Variants in DGKB observed in about 807,000 individuals in gnomAD.
DGKB encodes the protein diacylglycerol kinase beta.
Under a neutral mutation model 114.3 loss-of-function variants are expected in DGKB, and 67 were observed. The observed-to-expected ratio is 0.59, with a 90% CI of 0.48 to 0.72. The LOEUF (loss-of-function observed/expected upper bound fraction) is 0.72. Among genes scored for constraint, DGKB ranks in the 30% least tolerant of loss-of-function variants. The pLI, the probability that DGKB is intolerant of heterozygous loss-of-function variation, is 0.00. For missense variants in DGKB, 907 were observed against 975.2 expected, an observed-to-expected ratio of 0.93 and a Z score of 0.93; for synonymous variants, 398 against 323.1, an observed-to-expected ratio of 1.23 and a Z score of -2.49.
chr7:14,211,009 T>C (rs1787686908), intron 23 of DGKB, among the ~76,000 whole-genome samples: 1 of 152,066 alleles, frequency 6.6e-6, no homozygotes, highest in Admixed American at 6.6e-5. Flanking sequence ...GTAGATGTTA[T>C]GTTCCCCTAC....
At chr7:14,460,872 C>A (rs6461101) in intron 21 of DGKB, among the ~76,000 whole-genome samples, 79,346 of 151,824 alleles carry the variant, frequency 0.52, 21,192 homozygotes, top group East Asian at 0.62. Context: ...TTCCTCAGCA[C>A]ATGCAAAAGA....
chr7:14,907,564 C>T (rs554472170), upstream of DGKB, among the ~76,000 whole-genome samples: 1 of 152,188 alleles, frequency 6.6e-6, no homozygotes, highest in African/African-American at 2.4e-5. Context: ...TGAACACACA[C>T]ACATGTGCAC....
chr7:14,858,817 T>C (rs1850553306), intron 1 of DGKB, among the ~76,000 whole-genome samples: 1 of 152,106 alleles, frequency 6.6e-6, no homozygotes, highest in Non-Finnish European at 1.5e-5. Flanking sequence ...GCAAAACAGA[T>C]TACAGATATT....
chr7:14,601,840 T>C (rs1448445626), intron 17 of DGKB, among the ~76,000 whole-genome samples: 1 of 152,204 alleles, frequency 6.6e-6, no homozygotes, highest in Non-Finnish European at 1.5e-5. Flanking sequence ...CAATGGCCTT[T>C]CTTATCCATA....
At chr7:14,626,275 T>C (rs560447272) in intron 14 of DGKB, among the ~76,000 whole-genome samples, 9 of 152,266 alleles carry the variant, frequency 5.9e-5, no homozygotes, top group Non-Finnish European at 1.0e-4. Flanking sequence ...CTTCTTTTTG[T>C]CCAATCTCAG....
At chr7:14,680,900 GAAT>G (rs1208638758) in intron 12 of DGKB, among the ~76,000 whole-genome samples, 45 of 151,932 alleles carry the variant, frequency 3.0e-4, no homozygotes, top group African/African-American at 1.0e-3. Flanking sequence ...AAGAAAATAT[GAAT>G]AATAAACCTA....
chr7:14,415,005 TA>T (rs1260086930), intron 21 of DGKB, among the ~76,000 whole-genome samples: 5 of 133,752 alleles, frequency 3.7e-5, no homozygotes, highest in Admixed American at 7.8e-5. Flanking sequence ...AAACAAAAAA[TA>T]AAAAAAAACC....
chr7:14,721,524 C>T (rs111542584), intron 5 of DGKB, among the ~76,000 whole-genome samples: 3,929 of 152,030 alleles, frequency 0.026, 78 homozygotes, highest in South Asian at 0.047. Flanking sequence ...ACATGGAATA[C>T]GGTTAAATGA....
At chr7:14,230,844 G>C (rs1357014477) in intron 23 of DGKB, among the ~76,000 whole-genome samples, 1 of 151,956 alleles carries the variant, frequency 6.6e-6, no homozygotes, top group Non-Finnish European at 1.5e-5. Flanking sequence ...TTACTACTAA[G>C]TCAAAGTACC....
chr7:14,519,930 T>G (rs1789475006), intron 20 of DGKB, among the ~76,000 whole-genome samples: 1 of 151,996 alleles, frequency 6.6e-6, no homozygotes, highest in Non-Finnish European at 1.5e-5. Flanking sequence ...GAGAGAGATA[T>G]TTATATAATC....
In DGKB at chr7:14,147,534, T is replaced by C. The variant is rs1781607016; in HGVS notation, c.*1597A>G. ...ATTTCACTTGAAATCCATAAATCCA[T>C]GCACAGGATTGTGTTCAACAGAATC... On this transcript the variant is annotated 3_prime_UTR_variant, in exon 26 of 26. Coordinates refer to ENST00000402815, the MANE Select transcript of DGKB (RefSeq NM_001350709.2). 1 of 152,128 alleles carries C rather than the reference T, an allele frequency of 6.6e-6. No individual in the cohort carries two copies. Among genetic ancestry groups the C allele is most frequent in the East Asian group, 1.9e-4 (1 of 5,190 alleles). The allele number at this position is 152,128 out of a possible 1,614,324, so 9.4% of individuals were successfully genotyped here.
At chr7:14,248,404 G>A (rs1794770156) in intron 23 of DGKB, among the ~76,000 whole-genome samples, 1 of 151,880 alleles carries the variant, frequency 6.6e-6, no homozygotes, top group Non-Finnish European at 1.5e-5. Context: ...TTGGAATTTT[G>A]GTAGGAATTA....
chr7:14,424,477 G>C (rs1007781254), intron 21 of DGKB, among the ~76,000 whole-genome samples: 5 of 151,574 alleles, frequency 3.3e-5, no homozygotes, highest in Admixed American at 6.6e-5. Context: ...AAAAGAGTTA[G>C]GTCTATCACT....
chr7:14,708,519 C>T (rs1239731242), intron 6 of DGKB, among the ~76,000 whole-genome samples: 3 of 151,128 alleles, frequency 2.0e-5, no homozygotes, highest in Admixed American at 6.6e-5. Flanking sequence ...GAATCCTAAG[C>T]CAAAAGAACA....
chr7:14,709,957 A>G (rs191507412), intron 6 of DGKB, among the ~76,000 whole-genome samples: 122 of 151,532 alleles, frequency 8.1e-4, no homozygotes, highest in African/African-American at 2.6e-3. Flanking sequence ...CCTAAAACTT[A>G]AAGTATAATT....
intron 21 of DGKB, among the ~76,000 whole-genome samples, chr7:14,414,443 C>T (rs1461135211): frequency 1.3e-5 from 2 of 152,136 alleles, no homozygotes; most frequent in East Asian, 3.9e-4. Context: ...AGCTGCAGAA[C>T]AGCCCTTCCC....
intron 2 of DGKB, among the ~76,000 whole-genome samples, chr7:14,786,810 C>A (rs1187556581): frequency 6.6e-6 from 1 of 152,226 alleles, no homozygotes; most frequent in Non-Finnish European, 1.5e-5. Context: ...AGCCAAGGGG[C>A]CACTGAGGAT....
chr7:14,852,494 A>AAAAAAAAAAAAAAAAAAAAAAAAAAG (rs1187968977), intron 1 of DGKB, among the ~76,000 whole-genome samples: 3 of 148,636 alleles, frequency 2.0e-5, no homozygotes, highest in African/African-American at 7.4e-5. Context: ...AGTCAAAAAA[A>AAAAAAAAAAAAAAAAAAAAAAAAAAG]AAACAGAAAT....
intron 23 of DGKB, among the ~76,000 whole-genome samples, chr7:14,289,244 A>G (rs532944747): frequency 2.6e-5 from 4 of 152,288 alleles, no homozygotes; most frequent in Non-Finnish European, 4.4e-5. Context: ...CTAATTTTAA[A>G]TATTTCTCCA....
Sources: gnomAD v4.1 joint callset for allele counts (sites outside exome capture counted in the v4.1 genomes callset) on GRCh38, gnomAD v4.1.1 for gene constraint, MANE v1.5 for transcripts, NCBI Gene and HGNC (gene_info 2026-07-23, HGNC 2026-07-21) for gene names.